WDR7: variants seen among roughly 807,000 people sequenced by gnomAD.
The protein encoded by WDR7 is WD repeat-containing protein 7.
In WDR7, 46 loss-of-function variants were observed where a neutral mutation model predicts 169.4. The observed-to-expected ratio is 0.27, with a 90% CI of 0.21 to 0.35. The LOEUF is 0.35. WDR7 is among the 10% of genes least tolerant of loss of function. The pLI, the probability that WDR7 is intolerant of heterozygous loss-of-function variation, is 1.00. For synonymous variants in WDR7, 612 were observed against 666.8 expected (o/e 0.92, Z 1.27); for missense variants, 1,534 against 1,859.3 (o/e 0.83, Z 3.22).
At chr18:56,780,640 A>G (rs1183533860) in intron 18 of WDR7, among the ~76,000 whole-genome samples, 1 of 150,142 alleles carries the variant, frequency 6.7e-6, no homozygotes, top group Non-Finnish European at 1.5e-5. Flanking sequence ...TACTAAAAAT[A>G]CAAAAAAAAA....
At chr18:56,819,393 T>G (rs779860284) in intron 20 of WDR7, among the ~76,000 whole-genome samples, 2 of 152,142 alleles carry the variant, frequency 1.3e-5, no homozygotes, top group Non-Finnish European at 2.9e-5. Context: ...TCTTTCTCTA[T>G]CTCTCTTTTT....
intron 26 of WDR7, among the ~76,000 whole-genome samples, chr18:57,019,481 T>A (rs529328742): frequency 7.9e-5 from 12 of 152,182 alleles, no homozygotes; most frequent in Admixed American, 2.6e-4. Flanking sequence ...ACATCAATGC[T>A]CTCTCCCTGC....
chr18:56,921,858 C>T (rs1181619432), intron 21 of WDR7, among the ~76,000 whole-genome samples: 1 of 152,196 alleles, frequency 6.6e-6, no homozygotes, highest in Non-Finnish European at 1.5e-5. Context: ...GAGCTCCCAA[C>T]ACAGAGGCCC....
intron 11 of WDR7, among the ~76,000 whole-genome samples, chr18:56,695,794 C>T (rs916173340): frequency 4.7e-4 from 72 of 152,284 alleles, no homozygotes; most frequent in African/African-American, 1.5e-3. Flanking sequence ...CTCGGCCTCT[C>T]AACAGCCAGT....
At chr18:56,970,694 AG>A (rs1329153048) in intron 26 of WDR7, among the ~76,000 whole-genome samples, 1 of 152,214 alleles carries the variant, frequency 6.6e-6, no homozygotes, top group African/African-American at 2.4e-5. Flanking sequence ...GGAGTACATT[AG>A]GGTTCACTCT....
chr18:56,956,031 T>C (rs552672564), intron 25 of WDR7, among the ~76,000 whole-genome samples: 45 of 152,284 alleles, frequency 3.0e-4, no homozygotes, highest in African/African-American at 1.1e-3. Context: ...AGCTACAGTG[T>C]GCTTGTGGCA....
At chr18:56,744,245 G>C in intron 14 of WDR7, among the ~76,000 whole-genome samples, 1 of 86,882 alleles carries the variant, frequency 1.2e-5, no homozygotes, top group African/African-American at 4.1e-5. Flanking sequence ...TCTCAAAAAA[G>C]AAAAAAAAAA....
intron 20 of WDR7, among the ~76,000 whole-genome samples, chr18:56,852,258 G>A (rs2045651717): frequency 6.6e-6 from 1 of 152,174 alleles, no homozygotes; most frequent in African/African-American, 2.4e-5. Context: ...AATTCACTGA[G>A]TTTTGTCCGG....
At chr18:56,857,812 G>A (rs1228107409) in intron 20 of WDR7, among the ~76,000 whole-genome samples, 1 of 152,096 alleles carries the variant, frequency 6.6e-6, no homozygotes, top group Non-Finnish European at 1.5e-5. Context: ...GAGCCCAGAG[G>A]ACCGCCAGCT....
intron 20 of WDR7, among the ~76,000 whole-genome samples, chr18:56,865,220 A>G (rs932626084): frequency 6.6e-6 from 1 of 152,010 alleles, no homozygotes; most frequent in Non-Finnish European, 1.5e-5. Context: ...AATGATGGCT[A>G]ATGATTATTT....
At chr18:56,738,919 G>C (rs2043569276) in intron 14 of WDR7, among the ~76,000 whole-genome samples, 1 of 144,810 alleles carries the variant, frequency 6.9e-6, no homozygotes, top group Non-Finnish European at 1.5e-5. Context: ...TGGTAACTCA[G>C]TGCAAACATT....
At chr18:56,875,362 A>T (rs2046008695) in intron 20 of WDR7, among the ~76,000 whole-genome samples, 1 of 152,192 alleles carries the variant, frequency 6.6e-6, no homozygotes, top group Admixed American at 6.5e-5. Context: ...TGATTTCTAC[A>T]GTACCCCTCA....
chr18:56,747,143 C>T (rs2043717721), intron 14 of WDR7, among the ~76,000 whole-genome samples: 1 of 152,106 alleles, frequency 6.6e-6, no homozygotes, highest in Admixed American at 6.5e-5. Flanking sequence ...CAAATCTCTA[C>T]AGAATGAATG....
chr18:56,729,777 A>T (rs2026542525), intron 13 of WDR7, among the ~76,000 whole-genome samples: 1 of 152,238 alleles, frequency 6.6e-6, no homozygotes, highest in Admixed American at 6.5e-5. Context: ...GTTAAAGGAA[A>T]TGTGAGTTTT....
intron 13 of WDR7, among the ~76,000 whole-genome samples, chr18:56,729,804 G>A (rs1398104816): frequency 6.6e-6 from 1 of 152,078 alleles, no homozygotes; most frequent in Non-Finnish European, 1.5e-5. Flanking sequence ...AATAGAATTT[G>A]TTAAAAAAAT....
At chr18:57,000,503 A>T (rs2047960984) in intron 26 of WDR7, among the ~76,000 whole-genome samples, 1 of 152,078 alleles carries the variant, frequency 6.6e-6, no homozygotes, top group Non-Finnish European at 1.5e-5. Context: ...ATTTTTTCTA[A>T]TGGGCCATAA....
chr18:56,844,094 C>T (rs957052145), intron 20 of WDR7, among the ~76,000 whole-genome samples: 1 of 151,870 alleles, frequency 6.6e-6, no homozygotes, highest in Non-Finnish European at 1.5e-5. Context: ...AAATCTTGAC[C>T]TTGTGATCTG....
intron 23 of WDR7, 136 bp from the exon 24 acceptor site, chr18:56,938,397 A>T: frequency 8.7e-7 from 1 of 1,144,198 alleles, no homozygotes; most frequent in Non-Finnish European, 1.2e-6. Flanking sequence ...TGTTTTTGTA[A>T]ACAAAAGTAT....
chr18:57,036,556 A>G, the WDR7 span: 1 of 152,350 alleles, frequency 6.6e-6, no homozygotes, highest in Admixed American at 6.5e-5. Context: ...TGCTTCCTTC[A>G]CACAGATGTT....
Sources: gnomAD v4.1 joint callset for allele counts (sites outside exome capture counted in the v4.1 genomes callset) on GRCh38, gnomAD v4.1.1 for gene constraint, MANE v1.5 for transcripts, NCBI Gene and HGNC (gene_info 2026-07-23, HGNC 2026-07-21) for gene names.